The following ASAP1 variants were observed in gnomAD, a reference collection of about 807,000 sequenced individuals.
ASAP1 encodes arf-GAP with SH3 domain, ANK repeat and PH domain-containing protein 1.
A neutral mutation model predicts 145.2 loss-of-function variants in ASAP1; 43 were observed. That is an observed-to-expected ratio of 0.30 (90% CI 0.23 to 0.38). The LOEUF (loss-of-function observed/expected upper bound fraction) is 0.38, where lower values mean the gene tolerates loss of function less well. Among genes scored for constraint, ASAP1 ranks in the 10% least tolerant of loss-of-function variants. The probability of loss-of-function intolerance (pLI) is 1.00; values close to 1 mark genes in which losing one functional copy is unlikely to be tolerated. For missense variants in ASAP1, 1,018 were observed against 1,355.3 expected (o/e 0.75, Z 3.91); for synonymous variants, 546 against 515.5 (o/e 1.06, Z -0.80).
chr8:130,132,412 C>T (rs1182807188), intron 15 of ASAP1, among the ~76,000 whole-genome samples: 1 of 152,176 alleles, frequency 6.6e-6, no homozygotes, highest in Non-Finnish European at 1.5e-5. Context: ...AGTCATCAAT[C>T]ACTTCCTTCC....
At chr8:130,226,514 C>T (rs1817597426) in intron 4 of ASAP1, among the ~76,000 whole-genome samples, 1 of 152,162 alleles carries the variant, frequency 6.6e-6, no homozygotes, top group Non-Finnish European at 1.5e-5. Flanking sequence ...CTGCTTTCCT[C>T]CATGCCACTT....
At chr8:130,389,818 A>G (rs527743077) in intron 2 of ASAP1, among the ~76,000 whole-genome samples, 1 of 152,194 alleles carries the variant, frequency 6.6e-6, no homozygotes, top group East Asian at 1.9e-4. Flanking sequence ...CTTCCACCTC[A>G]GCCTCCCAAC....
In ASAP1 at chr8:130,072,833, G is replaced by T. The variant is rs555893827; in HGVS notation, c.2701+3515C>A. 2.7e-4 allele frequency among the ~76,000 whole-genome samples: 35 copies of T among 129,936 alleles called. 1 individual carries two copies. In the East Asian group the frequency reaches 5.1e-3, roughly 19 times the overall value. The allele number at this position is 129,936 out of a possible 152,430, so 85.2% of individuals were successfully genotyped here. A position where few individuals can be genotyped will look rare whatever the true frequency, so the allele number is the denominator to read the frequency against. ...TGTGTGTGTGTGTGTGTGCGCGCGG[G>T]GGGGGGCAGTTTTGGGGACTGAGCT... On this transcript the variant is annotated intron_variant, in intron 27 of 29. Transcript: ENST00000518721.
chr8:130,214,293 T>A (rs557921504), intron 5 of ASAP1, among the ~76,000 whole-genome samples: 7 of 152,306 alleles, frequency 4.6e-5, no homozygotes, highest in Admixed American at 1.3e-4. Flanking sequence ...CTCTCTCAGC[T>A]TCGATAAATC....
chr8:130,170,173 A>G lies in ASAP1; in HGVS notation c.747-1106T>C, dbSNP rs574224297. On this transcript the variant is annotated intron_variant, in intron 9 of 29. Coordinates refer to ENST00000518721, the MANE Select transcript of ASAP1 (RefSeq NM_018482.4). ...AAAGCAGACTGAATGAAGCAATATC[A>G]AGACATTTTAAGGAATATCTTTTTT... is the stretch of plus-strand genomic sequence containing the variant. Among the ~76,000 whole-genome samples, 11 of 139,870 alleles carry G rather than the reference A, an allele frequency of 7.9e-5. No individual in the cohort carries two copies. The South Asian group carries it at 2.8e-3, about 35-fold the overall frequency. The allele number at this position is 139,870 out of a possible 152,430, so 91.8% of individuals were successfully genotyped here. A position where few individuals can be genotyped will look rare whatever the true frequency, so the allele number is the denominator to read the frequency against.
At chr8:130,107,174 CT>C (rs2097538199) in intron 24 of ASAP1, among the ~76,000 whole-genome samples, 1 of 135,662 alleles carries the variant, frequency 7.4e-6, no homozygotes, top group South Asian at 2.3e-4. Flanking sequence ...TAGTCTCTCT[CT>C]TCTTCTTCTT....
At chr8:130,115,491 C>G (rs2097553941) in intron 23 of ASAP1, 137 bp downstream of exon 23, 2 of 706,454 alleles carry the variant, frequency 2.8e-6, no homozygotes, top group Non-Finnish European at 2.5e-6. Context: ...CCAATAAGGA[C>G]TGAACAACAT....
At chr8:130,096,517 T>C (rs918571478) in intron 24 of ASAP1, among the ~76,000 whole-genome samples, 4 of 152,238 alleles carry the variant, frequency 2.6e-5, no homozygotes, top group East Asian at 1.9e-4. Flanking sequence ...GCCACTAATA[T>C]TGGCTACCAT....
intron 4 of ASAP1, among the ~76,000 whole-genome samples, chr8:130,233,812 A>C (rs1411407347): frequency 8.5e-5 from 13 of 152,216 alleles, no homozygotes; most frequent in Admixed American, 8.5e-4. Context: ...GAACAGGAGA[A>C]TATAATAGGT....
intron 18 of ASAP1, among the ~76,000 whole-genome samples, chr8:130,120,831 T>C (rs934702362): frequency 1.3e-5 from 2 of 152,188 alleles, no homozygotes; most frequent in African/African-American, 2.4e-5. Context: ...ACTCAGCCCA[T>C]AGTCCCCTGG....
At chr8:130,160,139 GC>G in intron 11 of ASAP1, 175 bp from the exon 12 acceptor site, 1 of 589,956 alleles carries the variant, frequency 1.7e-6, no homozygotes, top group Non-Finnish European at 3.0e-6. Context: ...CTAAACACTT[GC>G]CAGAGTCACA....
intron 3 of ASAP1, among the ~76,000 whole-genome samples, chr8:130,286,914 G>A (rs763328861): frequency 3.3e-5 from 5 of 152,126 alleles, no homozygotes; most frequent in Non-Finnish European, 2.9e-5. Flanking sequence ...TATGCTAATG[G>A]TATAAGGAAA....
chr8:130,375,937 G>A, intron 2 of ASAP1, among the ~76,000 whole-genome samples: 1 of 152,198 alleles, frequency 6.6e-6, no homozygotes, highest in East Asian at 1.9e-4. Context: ...GTGATCTGAT[G>A]TCCTGAGGAG....
In ASAP1 at chr8:130,054,673, A is replaced by T; in HGVS notation, c.*58T>A. ...CTATATACACACTGTGCCCAGGGTT[A>T]CATGAAGGCAGCAGTCTTGCATGAA... On this transcript the variant is annotated 3_prime_UTR_variant, in exon 30 of 30. Transcript: ENST00000518721. 6.9e-7 allele frequency: 1 copy of T among 1,457,166 alleles called. No individual in the cohort carries two copies. The highest frequency in any genetic ancestry group is 9.6e-7 in the Non-Finnish European group (1 of 1,038,222). The allele number at this position is 1,457,166 out of a possible 1,614,324, so 90.3% of individuals were successfully genotyped here.
rs1226102599 is a variant in ASAP1 at position 130,054,811 on chromosome 8, G to C, written c.3316-6C>G. ...TGTCCTTCGATGTGGCCAATCTGCA[G>C]GGAGAAAAGAGAGTGGTCAGGATGG... On this transcript the variant is annotated splice_polypyrimidine_tract_variant and splice_region_variant and intron_variant, in intron 29 of 29. Transcript: ENST00000518721. 1 of 1,612,858 alleles carries C rather than the reference G, an allele frequency of 6.2e-7. No homozygotes were observed. Among genetic ancestry groups the C allele is most frequent in the African/African-American group, 1.3e-5 (1 of 75,044 alleles).
At chr8:130,081,597 A>AC (rs1554818532) in intron 25 of ASAP1, among the ~76,000 whole-genome samples, 1 of 151,288 alleles carries the variant, frequency 6.6e-6, no homozygotes, top group Non-Finnish European at 1.5e-5. Context: ...CTGAAAAAAA[A>AC]CTAACTGATC....
chr8:130,329,026 G>A (rs1824517349), intron 3 of ASAP1, among the ~76,000 whole-genome samples: 1 of 152,080 alleles, frequency 6.6e-6, no homozygotes, highest in Non-Finnish European at 1.5e-5. Flanking sequence ...ATATCTGCTG[G>A]AATGGTTCCA....
intron 3 of ASAP1, among the ~76,000 whole-genome samples, chr8:130,257,639 A>G (rs944400102): frequency 1.3e-5 from 2 of 152,206 alleles, no homozygotes; most frequent in Admixed American, 1.3e-4. Flanking sequence ...AAAGGGATCT[A>G]CAGTCGGTAA....
intron 1 of ASAP1, among the ~76,000 whole-genome samples, chr8:130,421,631 C>A (rs1230947921): frequency 1.3e-5 from 2 of 152,274 alleles, no homozygotes; most frequent in South Asian, 2.1e-4. Flanking sequence ...GGCAGCAGGG[C>A]CACAGAATGT....
Sources: gnomAD v4.1 joint callset for allele counts (sites outside exome capture counted in the v4.1 genomes callset) on GRCh38, gnomAD v4.1.1 for gene constraint, MANE v1.5 for transcripts, NCBI Gene and HGNC (gene_info 2026-07-23, HGNC 2026-07-21) for gene names.